The following ME2 variants were observed in gnomAD, a reference collection of about 807,000 sequenced individuals.
The protein encoded by ME2 is malic enzyme 2.
In ME2, 60 loss-of-function variants were observed where a neutral mutation model predicts 73.7. The observed-to-expected ratio is 0.81, with a 90% confidence interval of 0.66 to 1.01. ME2 has a LOEUF of 1.01. Ranked by LOEUF, ME2 falls within the 50% of genes least tolerant of loss-of-function variation. The pLI is 0.00. For synonymous variants in ME2, 199 were observed against 236.9 expected (o/e 0.84, Z 1.47); for missense variants, 594 against 705.5 (o/e 0.84, Z 1.79).
chr18:50,915,516 T>C (rs1199648215), intron 4 of ME2: 4 of 151,892 alleles, frequency 2.6e-5, no homozygotes, highest in East Asian at 3.9e-4. Flanking sequence ...AGAAAAAAAA[T>C]TGTTAGTCAA....
At chr18:50,920,632 A>T in intron 8 of ME2, 29 bp from the exon 9 acceptor site, 1 of 1,578,416 alleles carries the variant, frequency 6.3e-7, no homozygotes, top group Non-Finnish European at 8.6e-7. Flanking sequence ...CCCATTTTTT[A>T]TTTGTAAAAA....
At chr18:50,890,502 C>T (rs2665563) in intron 1 of ME2, among the ~76,000 whole-genome samples, 129,935 of 152,154 alleles carry the variant, frequency 0.85, 56,349 homozygotes, top group Non-Finnish European at 0.93. Flanking sequence ...ATAAGATTTC[C>T]GTAAATTTTT....
At chr18:50,919,978 C>T (rs1917380559) in intron 7 of ME2, among the ~76,000 whole-genome samples, 1 of 152,022 alleles carries the variant, frequency 6.6e-6, no homozygotes, top group African/African-American at 2.4e-5. Flanking sequence ...TCTTTCAGGG[C>T]CCACCTCCTT....
chr18:50,914,491 G>A (rs747311137), intron 4 of ME2, among the ~76,000 whole-genome samples: 2 of 152,148 alleles, frequency 1.3e-5, no homozygotes, highest in Non-Finnish European at 2.9e-5. Flanking sequence ...TTATGTGTGA[G>A]GGCAAATACT....
chr18:50,914,420 C>A (rs140436605), intron 4 of ME2, among the ~76,000 whole-genome samples: 1 of 152,258 alleles, frequency 6.6e-6, no homozygotes, highest in African/African-American at 2.4e-5. Context: ...ACAAAAGAGC[C>A]TGGTGTAATT....
rs916006758 is a variant in ME2 at position 50,920,360 on chromosome 18, A to G, written c.735-96A>G. Reference sequence around the variant, plus strand: ...ATGGCCTTAATTGAACTAACATAATACATTATTTTTGAATGCTATCATAGG... The same window carrying G: ...ATGGCCTTAATTGAACTAACATAATGCATTATTTTTGAATGCTATCATAGG... On this transcript the variant is annotated intron_variant, in intron 7 of 15. Transcript: ENST00000321341. The G allele has an allele frequency of 7.1e-6, 6 of 846,010 alleles. No homozygotes were observed. In the Admixed American group the frequency reaches 9.3e-5, roughly 13 times the overall value. The allele number at this position is 846,010 out of a possible 1,614,324, so 52.4% of individuals were successfully genotyped here. A position where few individuals can be genotyped will look rare whatever the true frequency, so the allele number is the denominator to read the frequency against.
intron 15 of ME2, among the ~76,000 whole-genome samples, chr18:50,945,411 C>T (rs184828014): frequency 1.3e-4 from 20 of 152,292 alleles, no homozygotes; most frequent in African/African-American, 4.1e-4. Context: ...TGAGCCACCA[C>T]GCCCAGCCAG....
At chr18:50,933,079 T>C (rs1277997858) in intron 13 of ME2, 2 of 152,244 alleles carry the variant, frequency 1.3e-5, no homozygotes, top group Non-Finnish European at 2.9e-5. Context: ...CCTTTTTTAT[T>C]CTAGAATTGC....
chr18:50,909,812 A>G (rs1378287808), intron 3 of ME2, among the ~76,000 whole-genome samples: 1 of 152,228 alleles, frequency 6.6e-6, no homozygotes, highest in East Asian at 1.9e-4. Flanking sequence ...AGGAGGAATG[A>G]GCCCAGGAGA....
In ME2 at chr18:50,918,017, T is replaced by C. The variant is rs921358529; in HGVS notation, c.631-93T>C. ...TTGTAGGGCAATACATTTAAAAAAT[T>C]GTATTAGTAATTTTTTATTTTGCAA... On this transcript the variant is annotated intron_variant, in intron 6 of 15. Transcript: ENST00000321341. The C allele has an allele frequency of 9.4e-5, 65 of 692,408 alleles. No homozygotes were observed. The African/African-American group carries it at 1.2e-3, about 12-fold the overall frequency. 42.9% of individuals were successfully genotyped at this position (692,408 alleles called of 1,614,324 possible).
In ME2 at chr18:50,950,131, G is replaced by A. The variant is rs1918188359; in HGVS notation, c.*2947G>A. The A allele has an allele frequency of 6.6e-6, 1 of 152,198 alleles. No homozygotes were observed. Among genetic ancestry groups the A allele is most frequent in the African/African-American group, 2.4e-5 (1 of 41,452 alleles). The allele number at this position is 152,198 out of a possible 1,614,324, so 9.4% of individuals were successfully genotyped here. ...TGTTTCTAATCTCCCACCACCACCT[G>A]TTGTATGGAACAAATTGGATTACTA... is the stretch of plus-strand genomic sequence containing the variant. On this transcript the variant is annotated 3_prime_UTR_variant, in exon 16 of 16. Transcript: ENST00000321341.
chr18:50,888,238 G>T (rs1219359100), intron 1 of ME2, among the ~76,000 whole-genome samples: 1 of 151,960 alleles, frequency 6.6e-6, no homozygotes, highest in African/African-American at 2.4e-5. Context: ...CCAGCTACTT[G>T]AGAGGCTGAG....
intron 11 of ME2, among the ~76,000 whole-genome samples, chr18:50,924,783 G>A (rs925831734): frequency 1.3e-5 from 2 of 151,246 alleles, no homozygotes; most frequent in Admixed American, 6.6e-5. Context: ...CCGGGTTCAA[G>A]CAATTCTCTT....
At chr18:50,896,597 GA>G (rs1472238740) in intron 2 of ME2, among the ~76,000 whole-genome samples, 2 of 152,088 alleles carry the variant, frequency 1.3e-5, no homozygotes, top group Admixed American at 6.6e-5. Context: ...TCTGGGAAGA[GA>G]TTTTTTTTAC....
chr18:50,896,030 G>T, intron 2 of ME2, 102 bp downstream of exon 2: 1 of 793,894 alleles, frequency 1.3e-6, no homozygotes, highest in Non-Finnish European at 2.0e-6. Context: ...TTTATGCTAA[G>T]GTTGTTCAGA....
chr18:50,929,398 A>G (rs1009930877), intron 12 of ME2, among the ~76,000 whole-genome samples: 2 of 151,370 alleles, frequency 1.3e-5, no homozygotes, highest in African/African-American at 4.8e-5. Flanking sequence ...CTGAGGCTGG[A>G]GAATAGTCTG....
rs1447030275 is a variant in ME2, at chr18:50,920,761, A to T, written c.942+3A>T. On this transcript the variant is annotated splice_donor_region_variant and intron_variant, in intron 9 of 15. Coordinates refer to ENST00000321341, the MANE Select transcript of ME2 (RefSeq NM_002396.5). ...TCTTATTCCTTGGAGCAGGAGAGGT[A>T]AGTTTTGAAGGCTTTTTGAAACTTA... is the stretch of plus-strand genomic sequence containing the variant. The T allele has an allele frequency of 6.3e-7, 1 of 1,592,762 alleles. No homozygotes were observed. The highest frequency in any genetic ancestry group is 1.1e-5 in the South Asian group (1 of 87,498).
At chr18:50,921,555 A>T (rs1421754877) in intron 10 of ME2, among the ~76,000 whole-genome samples, 1 of 152,100 alleles carries the variant, frequency 6.6e-6, no homozygotes, top group Non-Finnish European at 1.5e-5. Context: ...TTGATATTTG[A>T]GCAGAAATTC....
rs184810916 is a variant in ME2 at position 50,912,824 on chromosome 18, A to C, written c.266A>C (p.Gln89Pro). 1 of 1,601,024 alleles carries C rather than the reference A, an allele frequency of 6.2e-7. No homozygotes were observed. Among genetic ancestry groups the C allele is most frequent in the East Asian group, 2.2e-5 (1 of 44,626 alleles). ...LEKYIYIMGIQERNEKLFYRI... is the reference protein window; with the variant it reads ...LEKYIYIMGIPERNEKLFYRI... ...AGATATATCTACATAATGGGAATAC[A>C]AGAAAGAAATGAGAAATTGTTTTAT... The change falls in exon 4 of 16, where the codon CAA becomes CCA. Residue 89 changes from glutamine to proline, a missense_variant. Gln to Pro is a moderately conservative substitution (Grantham distance 76). Coordinates refer to ENST00000321341, the MANE Select transcript of ME2 (RefSeq NM_002396.5).
Sources: allele counts gnomAD v4.1 joint callset (sites outside exome capture counted in the v4.1 genomes callset), GRCh38; gene constraint gnomAD v4.1.1; transcripts MANE v1.5; gene names NCBI Gene and HGNC (gene_info 2026-07-23, HGNC 2026-07-21).